AMZ1: variants seen among roughly 807,000 people sequenced by gnomAD.
AMZ1 encodes archaelysin family metallopeptidase 1.
In AMZ1, 39 loss-of-function variants were observed where a neutral mutation model predicts 29.9. The observed-to-expected ratio is 1.30, with a 90% CI of 1.01 to 1.70. The LOEUF (loss-of-function observed/expected upper bound fraction) is 1.70, where lower values mean the gene tolerates loss of function less well. AMZ1 is among the 40% of genes most tolerant of loss of function. AMZ1 has a pLI of 0.00. For missense variants in AMZ1, 1,041 were observed against 680.6 expected (o/e 1.53, Z -5.89); for synonymous variants, 458 against 304.0 (o/e 1.51, Z -5.27).
chr7:2,741,545 GA>G (rs752548752), intron 4 of AMZ1, among the ~76,000 whole-genome samples: 3 of 152,160 alleles, frequency 2.0e-5, no homozygotes, highest in Non-Finnish European at 2.9e-5. Flanking sequence ...GTAGTAGCCA[GA>G]ACCCAAATTC....
In AMZ1 at chr7:2,717,988, C is replaced by CT. The variant is rs1488338794; in HGVS notation, c.*5111dup. Among the ~76,000 whole-genome samples the CT allele has an allele frequency of 6.6e-5, 10 of 152,332 alleles. No individual in the cohort carries two copies. The highest frequency in any genetic ancestry group is 2.4e-4 in the African/African-American group (10 of 41,582). On this transcript the variant is annotated 3_prime_UTR_variant, in exon 7 of 7. Coordinates refer to ENST00000683327, the MANE Select transcript of AMZ1 (RefSeq NM_001384743.1). Reference sequence around the variant, plus strand: ...CGGAGTCGAGCAAACACGGCGGCCCCTGCCTCCCCCGGCGGCTCCACAATG... The same window carrying CT: ...CGGAGTCGAGCAAACACGGCGGCCCCTTGCCTCCCCCGGCGGCTCCACAATG...
At chr7:2,738,592 C>T (rs1370891956) in intron 4 of AMZ1, among the ~76,000 whole-genome samples, 3 of 151,978 alleles carry the variant, frequency 2.0e-5, no homozygotes, top group Non-Finnish European at 4.4e-5. Context: ...AACGTGGATA[C>T]ACCAGCAGCA....
chr7:2,737,501 C>T (rs1406813761), intron 4 of AMZ1, among the ~76,000 whole-genome samples: 1 of 152,004 alleles, frequency 6.6e-6, no homozygotes, highest in Non-Finnish European at 1.5e-5. Context: ...GTTAACCAGG[C>T]TGGTCTCGAA....
chr7:2,755,489 A>T (rs919782037), intron 4 of AMZ1, among the ~76,000 whole-genome samples: 1 of 152,202 alleles, frequency 6.6e-6, no homozygotes, highest in South Asian at 2.1e-4. Context: ...ACAGTATTTC[A>T]TTTTTAAAAT....
chr7:2,699,152 C>G lies in AMZ1; in HGVS notation c.-218-1082C>G, dbSNP rs141563779. On this transcript the variant is annotated intron_variant, in intron 1 of 6. Transcript: ENST00000683327. ...CTTTTATCTGTTCTGCGAGGCTTCC[C>G]CTGCCCAGCCCACTCTCCATCCGCC... is the stretch of plus-strand genomic sequence containing the variant. 2.3e-3 allele frequency among the ~76,000 whole-genome samples: 343 copies of G among 152,268 alleles called. 2 individuals are homozygous for G. Among genetic ancestry groups the G allele is most frequent in the African/African-American group, 7.6e-3 (316 of 41,558 alleles).
rs1484992295 is a variant in AMZ1 at position 2,715,290 on chromosome 7, A to ACAAT, written c.*2414_*2415insATCA. 3 of 152,344 alleles carry ACAAT rather than the reference A, an allele frequency of 2.0e-5. No individual in the cohort carries two copies. The highest frequency in any genetic ancestry group is 7.2e-5 in the African/African-American group (3 of 41,450). 9.4% of individuals were successfully genotyped at this position (152,344 alleles called of 1,614,324 possible). A position where few individuals can be genotyped will look rare whatever the true frequency, so the allele number is the denominator to read the frequency against. ...ACAATATTGCTGTGGCCATTCATGAACAGTCAGTCAGCCCCACTCGGCGTT... is the reference window on the plus strand; with the variant it reads ...ACAATATTGCTGTGGCCATTCATGAACAATCAGTCAGTCAGCCCCACTCGGCGTT... On this transcript the variant is annotated 3_prime_UTR_variant, in exon 7 of 7. Coordinates refer to ENST00000683327, the MANE Select transcript of AMZ1 (RefSeq NM_001384743.1).
chr7:2,686,890 T>C (rs1787099202), upstream of AMZ1, among the ~76,000 whole-genome samples: 1 of 152,028 alleles, frequency 6.6e-6, no homozygotes, highest in African/African-American at 2.4e-5. Context: ...AATTTTTTTA[T>C]TTTTAATAGA....
At chr7:2,707,993 T>G (rs1363145985) in intron 3 of AMZ1, among the ~76,000 whole-genome samples, 1 of 151,788 alleles carries the variant, frequency 6.6e-6, no homozygotes, top group African/African-American at 2.4e-5. Context: ...CCGGCTCATT[T>G]TGTATTTTTA....
chr7:2,680,261 G>C (rs2115017493), intron 1 of AMZ1, among the ~76,000 whole-genome samples: 1 of 152,236 alleles, frequency 6.6e-6, no homozygotes, highest in East Asian at 1.9e-4. Flanking sequence ...GTCTCACCAG[G>C]GGGCTGCTTC....
Position 2,712,497 on chromosome 7 carries a change from C to G in AMZ1, c.1116C>G (p.Ala372=). ...TGTCGGAGCCCCTCACCCCTGATGC[C>G]GGGAGTCACACCTTCGCCTCGGGGC... ...TSVSEPLTPD[A]GSHTFASGPE... is the part of the protein sequence containing the mutation. The change falls in exon 7 of 7, where the codon GCC becomes GCG. Residue 372 remains alanine (A), a synonymous_variant. Transcript: ENST00000683327. 6.2e-7 allele frequency: 1 copy of G among 1,609,172 alleles called. No homozygotes were observed. The highest frequency in any genetic ancestry group is 8.5e-7 in the Non-Finnish European group (1 of 1,178,398).
upstream of AMZ1, among the ~76,000 whole-genome samples, chr7:2,764,244 C>CT (rs35992308): frequency 8.8e-3 from 1,223 of 139,336 alleles, 19 homozygotes; most frequent in East Asian, 0.049. Flanking sequence ...CAGCTAATTT[C>CT]TTTTTTTTTT....
Position 2,710,607 on chromosome 7 carries a change from C to T in AMZ1, c.948+791C>T, listed in dbSNP as rs190422192. On this transcript the variant is annotated intron_variant, in intron 6 of 6. Coordinates refer to ENST00000683327, the MANE Select transcript of AMZ1 (RefSeq NM_001384743.1). ...GGGTAGAGTGAGGAGCTGTATCTTGCAGGGTCCTGGGTGACACTGAACTAG... is the reference window on the plus strand; with the variant it reads ...GGGTAGAGTGAGGAGCTGTATCTTGTAGGGTCCTGGGTGACACTGAACTAG... 1.4e-3 allele frequency among the ~76,000 whole-genome samples: 215 copies of T among 152,302 alleles called. 1 individual carries two copies. The highest frequency in any genetic ancestry group is 4.5e-3 in the African/African-American group (188 of 41,558).
chr7:2,760,232 G>C (rs1791493786), upstream of AMZ1: 1 of 152,374 alleles, frequency 6.6e-6, no homozygotes, highest in African/African-American at 2.4e-5. Context: ...GTCCAGGCAG[G>C]AGGGCACACC....
At chr7:2,707,818 C>CT (rs60848680) in intron 3 of AMZ1, among the ~76,000 whole-genome samples, 1,959 of 95,184 alleles carry the variant, frequency 0.021, 55 homozygotes, top group South Asian at 0.031. Context: ...CTAACGAGGG[C>CT]TTTTTTTTTT....
intron 1 of AMZ1, among the ~76,000 whole-genome samples, chr7:2,698,942 C>T (rs766096155): frequency 8.5e-5 from 13 of 152,250 alleles, no homozygotes; most frequent in African/African-American, 2.6e-4. Context: ...TGCAACTTGA[C>T]GGTCGCAGAC....
chr7:2,711,743 A>G (rs1472516117), intron 6 of AMZ1, among the ~76,000 whole-genome samples: 2 of 152,150 alleles, frequency 1.3e-5, no homozygotes, highest in Non-Finnish European at 2.9e-5. Flanking sequence ...TTTAAATTTT[A>G]TTTAATTATA....
chr7:2,759,374 C>A (rs1791453525), intron 4 of AMZ1, among the ~76,000 whole-genome samples: 1 of 152,132 alleles, frequency 6.6e-6, no homozygotes, highest in South Asian at 2.1e-4. Context: ...AAGGGCCTCC[C>A]CCATATCACC....
At chr7:2,708,805 G>A in intron 4 of AMZ1, 89 bp downstream of exon 4, 1 of 1,584,738 alleles carries the variant, frequency 6.3e-7, no homozygotes, top group Non-Finnish European at 8.6e-7. Context: ...CTTTGCTTTT[G>A]CTTCAAGCAC....
At chr7:2,759,888 G>A (rs1482667334), upstream of AMZ1, among the ~76,000 whole-genome samples, 3 of 152,184 alleles carry the variant, frequency 2.0e-5, no homozygotes, top group African/African-American at 7.2e-5. Flanking sequence ...ACGGCCAGCT[G>A]AGGTCCTTTG....
Sources: gnomAD v4.1 joint callset for allele counts (sites outside exome capture counted in the v4.1 genomes callset) on GRCh38, gnomAD v4.1.1 for gene constraint, MANE v1.5 for transcripts, NCBI Gene and HGNC (gene_info 2026-07-23, HGNC 2026-07-21) for gene names.